ENTREP2: variants seen among roughly 807,000 people sequenced by gnomAD.
ENTREP2 encodes the protein endosomal transmembrane epsin interactor 2.
the ENTREP2 span, among the ~76,000 whole-genome samples, chr15:29,568,167 C>T: frequency 2.0e-5 from 3 of 152,214 alleles, no homozygotes; most frequent in Non-Finnish European, 4.4e-5. Flanking sequence ...CTGTACCGTA[C>T]TGAAAGAACT....
chr15:29,662,017 C>T, the ENTREP2 span, among the ~76,000 whole-genome samples: 1 of 151,920 alleles, frequency 6.6e-6, no homozygotes, highest in Non-Finnish European at 1.5e-5. Context: ...TCGAGACTAG[C>T]CTGGGCAACA....
chr15:29,446,946 C>T, the ENTREP2 span, among the ~76,000 whole-genome samples: 3 of 152,162 alleles, frequency 2.0e-5, no homozygotes, highest in African/African-American at 2.4e-5. Context: ...TTTCTCTCAC[C>T]CAGATAATCC....
chr15:29,240,191 T>A, the ENTREP2 span, among the ~76,000 whole-genome samples: 18 of 150,688 alleles, frequency 1.2e-4, no homozygotes, highest in African/African-American at 4.5e-4. Flanking sequence ...GTAGAAACCC[T>A]GTCTCTACTA....
At chr15:29,643,821 GGAA>G in the ENTREP2 span, among the ~76,000 whole-genome samples, 2 of 151,448 alleles carry the variant, frequency 1.3e-5, no homozygotes, top group African/African-American at 4.8e-5. Context: ...AAGACTTGAA[GGAA>G]TTGTAACTCT....
chr15:29,528,276 A>G, the ENTREP2 span, among the ~76,000 whole-genome samples: 1 of 152,038 alleles, frequency 6.6e-6, no homozygotes, highest in Admixed American at 6.6e-5. Context: ...AATCCCATCA[A>G]GATTTGTAAA....
the ENTREP2 span, chr15:29,118,174 A>ATACAC: frequency 6.5e-6 from 1 of 152,672 alleles, no homozygotes; most frequent in East Asian, 1.9e-4. Flanking sequence ...GCCTTGAAGA[A>ATACAC]TACACTGTGA....
the ENTREP2 span, among the ~76,000 whole-genome samples, chr15:29,512,692 C>A: frequency 1.2e-4 from 18 of 152,218 alleles, no homozygotes; most frequent in Admixed American, 5.2e-4. Flanking sequence ...TCACCAGGAA[C>A]TGAATCTGCA....
the ENTREP2 span, among the ~76,000 whole-genome samples, chr15:29,321,338 A>G: frequency 6.6e-6 from 1 of 152,164 alleles, no homozygotes; most frequent in African/African-American, 2.4e-5. Context: ...ATGTATATCC[A>G]GCAAAATTAT....
the ENTREP2 span, among the ~76,000 whole-genome samples, chr15:29,444,407 C>A: frequency 6.6e-6 from 1 of 152,124 alleles, no homozygotes; most frequent in African/African-American, 2.4e-5. Flanking sequence ...ACTCAGTTCT[C>A]AAGCTTAACT....
At chr15:29,652,693 C>T in the ENTREP2 span, among the ~76,000 whole-genome samples, 1 of 152,230 alleles carries the variant, frequency 6.6e-6, no homozygotes, top group Non-Finnish European at 1.5e-5. Flanking sequence ...CCAGCTGCAG[C>T]CTTGCAGAGA....
the ENTREP2 span, among the ~76,000 whole-genome samples, chr15:29,392,075 G>A: frequency 2.0e-5 from 3 of 151,942 alleles, no homozygotes; most frequent in East Asian, 1.9e-4. Context: ...TGATCTGCCC[G>A]CCTCAGCCTC....
the ENTREP2 span, among the ~76,000 whole-genome samples, chr15:29,578,020 C>G: frequency 2.6e-5 from 4 of 152,184 alleles, no homozygotes; most frequent in South Asian, 8.3e-4. Flanking sequence ...GCTACTTGCA[C>G]AACTATGGGA....
the ENTREP2 span, among the ~76,000 whole-genome samples, chr15:29,303,368 C>T: frequency 6.6e-6 from 1 of 152,198 alleles, no homozygotes; most frequent in Non-Finnish European, 1.5e-5. Flanking sequence ...ATGCTTTTCT[C>T]AGATGATTCC....
At chr15:29,515,842 T>C in the ENTREP2 span, among the ~76,000 whole-genome samples, 7 of 152,120 alleles carry the variant, frequency 4.6e-5, no homozygotes, top group Non-Finnish European at 8.8e-5. Flanking sequence ...CCCGAGAGTA[T>C]CACTGTCCAA....
the ENTREP2 span, among the ~76,000 whole-genome samples, chr15:29,123,935 C>CA: frequency 2.6e-5 from 4 of 152,196 alleles, no homozygotes; most frequent in Non-Finnish European, 4.4e-5. Context: ...GCTAGAATCC[C>CA]AAGGGCACAG....
the ENTREP2 span, among the ~76,000 whole-genome samples, chr15:29,243,750 G>A: frequency 1.3e-5 from 2 of 152,204 alleles, no homozygotes; most frequent in East Asian, 3.9e-4. Flanking sequence ...AAAAACAGAT[G>A]AAATATACAA....
chr15:29,672,817 T>G, the ENTREP2 span, among the ~76,000 whole-genome samples: 2 of 151,996 alleles, frequency 1.3e-5, no homozygotes, highest in Non-Finnish European at 2.9e-5. Context: ...GAAGATAAAA[T>G]TGTTGCTGGA....
At chr15:29,572,308 C>T in the ENTREP2 span, among the ~76,000 whole-genome samples, 2 of 152,194 alleles carry the variant, frequency 1.3e-5, no homozygotes, top group African/African-American at 4.8e-5. Flanking sequence ...AGGACTAAGC[C>T]TCTGGCCGGC....
At chr15:29,589,569 T>C in the ENTREP2 span, among the ~76,000 whole-genome samples, 1 of 152,216 alleles carries the variant, frequency 6.6e-6, no homozygotes, top group Admixed American at 6.5e-5. Flanking sequence ...ACACTCTTTA[T>C]AGAATGAAAG....
Sources: allele counts gnomAD v4.1 joint callset (sites outside exome capture counted in the v4.1 genomes callset), GRCh38; gene constraint gnomAD v4.1.1; transcripts MANE v1.5; gene names NCBI Gene and HGNC (gene_info 2026-07-23, HGNC 2026-07-21).